TMEM161B: variants seen among roughly 807,000 people sequenced by gnomAD.
The protein encoded by TMEM161B is transmembrane protein 161B.
TMEM161B carries 34 observed loss-of-function variants against 61.8 expected under a neutral mutation model. The ratio of observed to expected loss-of-function variants is 0.55; its 90% CI spans 0.42 to 0.73. The LOEUF is 0.73. TMEM161B is among the 30% of genes least tolerant of loss of function. TMEM161B has a pLI of 0.00. For synonymous variants in TMEM161B, 167 were observed against 192.8 expected, an observed-to-expected ratio of 0.87 and a Z score of 1.11; for missense variants, 456 against 558.5, an observed-to-expected ratio of 0.82 and a Z score of 1.85.
chr5:88,264,600 T>A (rs546886790), intron 1 of TMEM161B, among the ~76,000 whole-genome samples: 3 of 152,220 alleles, frequency 2.0e-5, no homozygotes, highest in Non-Finnish European at 2.9e-5. Context: ...CCCAAAGGAC[T>A]ATAAATCATT....
chr5:88,209,933 T>C (rs2112447355), intron 5 of TMEM161B, among the ~76,000 whole-genome samples: 1 of 152,346 alleles, frequency 6.6e-6, no homozygotes, highest in Non-Finnish European at 1.5e-5. Context: ...TAACATTACC[T>C]TCCCAGCTGA....
At chr5:88,199,244 G>A in intron 9 of TMEM161B, 94 bp from the exon 10 acceptor site, 5 of 1,276,822 alleles carry the variant, frequency 3.9e-6, no homozygotes, top group Non-Finnish European at 5.3e-6. Context: ...GATATAAGAA[G>A]TCTATACTTC....
At chr5:88,243,600 G>C (rs1387190114) in intron 1 of TMEM161B, among the ~76,000 whole-genome samples, 1 of 151,770 alleles carries the variant, frequency 6.6e-6, no homozygotes, top group African/African-American at 2.4e-5. Context: ...ATAGTCCTTC[G>C]AATGTATATC....
chr5:88,241,462 A>C (rs769405369), intron 1 of TMEM161B, among the ~76,000 whole-genome samples: 1 of 151,864 alleles, frequency 6.6e-6, no homozygotes, highest in Admixed American at 6.6e-5. Flanking sequence ...TAAATTAAGG[A>C]TATCAAAATG....
In TMEM161B at chr5:88,214,044, G is replaced by C. The variant is rs966557968; in HGVS notation, c.446+6519C>G. On this transcript the variant is annotated intron_variant, in intron 5 of 11. Coordinates refer to ENST00000296595, the MANE Select transcript of TMEM161B (RefSeq NM_153354.5). ...GACTAAGTTGTACTAGTTTGTTGTA[G>C]TTGTTTATTTCCCACAGCAAATAAA... is the stretch of plus-strand genomic sequence containing the variant. Among the ~76,000 whole-genome samples the C allele has an allele frequency of 2.0e-5, 3 of 152,234 alleles. No homozygotes were observed. The East Asian group carries it at 5.8e-4, about 29-fold the overall frequency.
At position 88,207,130 on chromosome 5, in the gene TMEM161B, C is replaced by T; in HGVS notation, c.497G>A (p.Gly166Asp). ...AAAGGTGACACAAACAGATCTTTCA[C>T]CACCATCTTCTACTTTAAAATAGTG... Reference protein sequence around the residue: ...TTHYFKVEDGGERSVCVTFGF... With the variant: ...TTHYFKVEDGDERSVCVTFGF... Residue 166 changes from glycine (G) to aspartate (D), a missense_variant, in exon 6 of 12, where the codon GGT becomes GAT. Gly to Asp is a moderately conservative substitution (Grantham distance 94, BLOSUM62 -1). Transcript: ENST00000296595. The T allele has an allele frequency of 6.2e-7, 1 of 1,613,144 alleles. No homozygotes were observed. Among genetic ancestry groups the T allele is most frequent in the South Asian group, 1.1e-5 (1 of 90,994 alleles).
At chr5:88,242,567 C>T (rs568541774) in intron 1 of TMEM161B, among the ~76,000 whole-genome samples, 148 of 146,252 alleles carry the variant, frequency 1.0e-3, no homozygotes, top group African/African-American at 3.5e-3. Context: ...GAGTTAGAAG[C>T]TGGTCTCCAT....
At chr5:88,230,179 C>T (rs572744206) in intron 2 of TMEM161B, among the ~76,000 whole-genome samples, 4 of 151,980 alleles carry the variant, frequency 2.6e-5, no homozygotes, top group South Asian at 2.1e-4. Flanking sequence ...AAGTAAGACC[C>T]TATCTCAAAA....
rs540394875 is a variant in TMEM161B, at chr5:88,195,446, T to C, written c.*765A>G. ...TTCTTTAAAGTCTGATCAGTATTGATAAATATTTTAGCCTATTAAAAGGAA... is the reference window on the plus strand; with the variant it reads ...TTCTTTAAAGTCTGATCAGTATTGACAAATATTTTAGCCTATTAAAAGGAA... On this transcript the variant is annotated 3_prime_UTR_variant, in exon 12 of 12. Coordinates refer to ENST00000296595, the MANE Select transcript of TMEM161B (RefSeq NM_153354.5). The C allele has an allele frequency of 1.2e-5, 12 of 971,464 alleles. No individual in the cohort carries two copies. The South Asian group carries it at 5.7e-4, about 46-fold the overall frequency. 60.2% of individuals were successfully genotyped at this position (971,464 alleles called of 1,614,324 possible). A position where few individuals can be genotyped will look rare whatever the true frequency, so the allele number is the denominator to read the frequency against.
chr5:88,225,000 C>G (rs1749771169), intron 4 of TMEM161B, among the ~76,000 whole-genome samples: 1 of 134,178 alleles, frequency 7.5e-6, no homozygotes, highest in Non-Finnish European at 1.5e-5. Context: ...CGGAGTCTCG[C>G]TCTGTCGCCC....
At position 88,258,900 on chromosome 5, in the gene TMEM161B, T is replaced by C. The variant is rs879440125; in HGVS notation, c.3+9821A>G. Among the ~76,000 whole-genome samples the C allele has an allele frequency of 3.3e-5, 5 of 152,176 alleles. No individual in the cohort carries two copies. The South Asian group carries it at 1.0e-3, about 31-fold the overall frequency. On this transcript the variant is annotated intron_variant, in intron 1 of 11. Coordinates refer to ENST00000296595, the MANE Select transcript of TMEM161B (RefSeq NM_153354.5). ...AATTTAGATTAGTATTTCAAAGGGC[T>C]TCTAATTACTTATCACAAAGATAAA...
chr5:88,232,194 C>T (rs1751106745), intron 2 of TMEM161B, among the ~76,000 whole-genome samples: 1 of 152,132 alleles, frequency 6.6e-6, no homozygotes, highest in Admixed American at 6.5e-5. Flanking sequence ...TACAGTATGA[C>T]AGCCGAAACA....
intron 8 of TMEM161B, among the ~76,000 whole-genome samples, chr5:88,204,801 G>C (rs1245400337): frequency 1.3e-5 from 2 of 151,184 alleles, no homozygotes; most frequent in Non-Finnish European, 2.9e-5. Context: ...GGAGGCGATA[G>C]TAAGTAAACA....
chr5:88,206,381 C>T lies in TMEM161B; in HGVS notation c.659+58G>A, dbSNP rs540680521. 1.1e-5 allele frequency: 15 copies of T among 1,382,106 alleles called. 1 individual carries two copies. The South Asian group carries it at 1.9e-4, about 17-fold the overall frequency. The allele number at this position is 1,382,106 out of a possible 1,614,324, so 85.6% of individuals were successfully genotyped here. On this transcript the variant is annotated intron_variant, in intron 7 of 11. Transcript: ENST00000296595. The stretch of plus-strand genomic sequence containing the variant: ...AAACAGCTATTTATAGTAAATACTG[C>T]TTTATTAAAAATAGAAAAGGTTAAA...
chr5:88,224,353 C>A (rs1045092309), intron 4 of TMEM161B, among the ~76,000 whole-genome samples: 3 of 151,984 alleles, frequency 2.0e-5, no homozygotes, highest in African/African-American at 7.2e-5. Context: ...TGATATATCC[C>A]CAAGTTTAAA....
At chr5:88,245,420 T>G (rs747069417) in intron 1 of TMEM161B, among the ~76,000 whole-genome samples, 1 of 151,884 alleles carries the variant, frequency 6.6e-6, no homozygotes, top group Non-Finnish European at 1.5e-5. Flanking sequence ...GCCAGAAGGT[T>G]GGTCTACCTG....
chr5:88,198,785 G>A lies in TMEM161B; in HGVS notation c.1089+191C>T, dbSNP rs190325449. 1.1e-3 allele frequency: 605 copies of A among 560,326 alleles called. 1 individual carries two copies. Among genetic ancestry groups the A allele is most frequent in the Middle Eastern group, 2.4e-3 (5 of 2,088 alleles). The allele number at this position is 560,326 out of a possible 1,614,324, so 34.7% of individuals were successfully genotyped here. A position where few individuals can be genotyped will look rare whatever the true frequency, so the allele number is the denominator to read the frequency against. ...CACCAAGCACTTAAGGCAGGAAGAG[G>A]AATTAAGACCTCACTTGGCACCAAA... On this transcript the variant is annotated intron_variant, in intron 10 of 11. Coordinates refer to ENST00000296595, the MANE Select transcript of TMEM161B (RefSeq NM_153354.5).
At chr5:88,192,140 C>T (rs936193875), downstream of TMEM161B, among the ~76,000 whole-genome samples, 72 of 145,540 alleles carry the variant, frequency 4.9e-4, no homozygotes, top group African/African-American at 1.7e-3. Flanking sequence ...ATTCTGCCTA[C>T]GAAACTATGA....
Position 88,195,811 on chromosome 5 carries a change from T to C in TMEM161B, c.*400A>G, listed in dbSNP as rs542795211. On this transcript the variant is annotated 3_prime_UTR_variant, in exon 12 of 12. Coordinates refer to ENST00000296595, the MANE Select transcript of TMEM161B (RefSeq NM_153354.5). ...CCTAAAGCATGGCTCAGTTTGAAGA[T>C]TGTTCTATAGGCAGCCACTATGACT... 2.9e-5 allele frequency: 29 copies of C among 991,918 alleles called. 1 individual carries two copies. Among genetic ancestry groups the C allele is most frequent in the African/African-American group, 1.6e-4 (9 of 57,386 alleles). 61.4% of individuals were successfully genotyped at this position (991,918 alleles called of 1,614,324 possible).
Sources: gnomAD v4.1 joint callset for allele counts (sites outside exome capture counted in the v4.1 genomes callset) on GRCh38, gnomAD v4.1.1 for gene constraint, MANE v1.5 for transcripts, NCBI Gene and HGNC (gene_info 2026-07-23, HGNC 2026-07-21) for gene names.